The following FAM117A variants were observed in gnomAD, a reference collection of about 807,000 sequenced individuals.
FAM117A encodes the protein family with sequence similarity 117 member A, also known as protein FAM117A.
In FAM117A, 21 loss-of-function variants were observed where a neutral mutation model predicts 44.1. That is an observed-to-expected ratio of 0.48 (90% confidence interval 0.34 to 0.69). The LOEUF is 0.69. Among genes scored for constraint, FAM117A ranks in the 30% least tolerant of loss-of-function variants. The pLI, the probability that FAM117A is intolerant of heterozygous loss-of-function variation, is 0.01. For synonymous variants in FAM117A, 220 were observed against 238.3 expected (o/e 0.92, Z 0.71); for missense variants, 498 against 589.9 (o/e 0.84, Z 1.61).
chr17:49,717,865 T>C (rs2073512670), intron 5 of FAM117A, 151 bp from the exon 6 acceptor site: 1 of 625,514 alleles, frequency 1.6e-6, no homozygotes, highest in Non-Finnish European at 2.7e-6. Flanking sequence ...TTTATTTCCC[T>C]GGCCACCCTT....
intron 1 of FAM117A, among the ~76,000 whole-genome samples, chr17:49,753,532 A>G (rs2073685345): frequency 6.6e-6 from 1 of 152,148 alleles, no homozygotes; most frequent in Non-Finnish European, 1.5e-5. Context: ...AAAACTAATG[A>G]AGGCCAGGCA....
At chr17:49,781,732 T>G (rs1276726342) in intron 1 of FAM117A, among the ~76,000 whole-genome samples, 1 of 152,088 alleles carries the variant, frequency 6.6e-6, no homozygotes, top group East Asian at 1.9e-4. Flanking sequence ...ATCCTAGCAT[T>G]TTGGGAGGCT....
rs2143789173 is a variant in FAM117A at position 49,764,125 on chromosome 17, C to T, written c.-38G>A. 2 of 1,104,672 alleles carry T rather than the reference C, an allele frequency of 1.8e-6. No individual in the cohort carries two copies. Among genetic ancestry groups the T allele is most frequent in the Non-Finnish European group, 2.3e-6 (2 of 853,896 alleles). The allele number at this position is 1,104,672 out of a possible 1,614,324, so 68.4% of individuals were successfully genotyped here. ...TGCCTGCCTCAGCCCCACTGCGAGA[C>T]TCACACAGCCCCCCAACCCCCGAGG... On this transcript the variant is annotated 5_prime_UTR_variant, in exon 1 of 8. Coordinates refer to ENST00000240364, the MANE Select transcript of FAM117A (RefSeq NM_030802.4).
At chr17:49,743,379 T>C (rs1567832229) in intron 1 of FAM117A, among the ~76,000 whole-genome samples, 1 of 151,896 alleles carries the variant, frequency 6.6e-6, no homozygotes, top group African/African-American at 2.4e-5. Flanking sequence ...GAGAATCACT[T>C]GAGTCCAGGA....
intron 1 of FAM117A, among the ~76,000 whole-genome samples, chr17:49,754,308 C>CT (rs749158188): frequency 2.1e-3 from 300 of 144,470 alleles, no homozygotes; most frequent in African/African-American, 4.3e-3. Context: ...ACAGCAAACT[C>CT]TTTTTTTTTT....
At chr17:49,716,046 A>G in intron 7 of FAM117A, 119 bp downstream of exon 7, 1 of 1,110,462 alleles carries the variant, frequency 9.0e-7, no homozygotes, top group Non-Finnish European at 1.3e-6. Flanking sequence ...GAAAGCTGGC[A>G]ATACTTATCA....
In FAM117A at chr17:49,763,988, C is replaced by A. The variant is rs2073734381; in HGVS notation, c.100G>T (p.Ala34Ser). The change falls in exon 1 of 8, where the codon GCC (alanine) becomes TCC (serine). Residue 34 changes from alanine (A) to serine (S), a missense_variant. By Grantham distance (99) the Ala-to-Ser change is moderately conservative. Around this residue, in one of 3 missense-constraint regions of FAM117A, gnomAD observed 270 missense variants for 277.4 expected, o/e 0.97. Coordinates refer to ENST00000240364, the MANE Select transcript of FAM117A (RefSeq NM_030802.4). ...LRRGCSPPAP[A>S]GSPRAGLQPL... is the part of the protein sequence containing the mutation. ...TGCAGCCCAGCCCGGGGGGAGCCGG[C>A]GGGGGCTGGGGGAGAGCAGCCCCGC... is the stretch of plus-strand genomic sequence containing the variant. 4 of 1,216,480 alleles carry A rather than the reference C, an allele frequency of 3.3e-6. No individual in the cohort carries two copies. The highest frequency in any genetic ancestry group is 4.1e-6 in the Non-Finnish European group (4 of 977,414). The allele number at this position is 1,216,480 out of a possible 1,614,324, so 75.4% of individuals were successfully genotyped here.
chr17:49,768,367 C>A (rs1047326852), upstream of FAM117A, among the ~76,000 whole-genome samples: 2 of 152,168 alleles, frequency 1.3e-5, no homozygotes, highest in Non-Finnish European at 2.9e-5. Flanking sequence ...TTTCAAATCA[C>A]CATTTTTACC....
chr17:49,731,926 C>G (rs1021995242), intron 2 of FAM117A, among the ~76,000 whole-genome samples: 2 of 152,140 alleles, frequency 1.3e-5, no homozygotes, highest in African/African-American at 4.8e-5. Context: ...GCTGGGACTG[C>G]AGGCACCCAC....
intron 1 of FAM117A, among the ~76,000 whole-genome samples, chr17:49,762,610 AAGG>A (rs2073726439): frequency 6.6e-6 from 1 of 152,216 alleles, no homozygotes; most frequent in African/African-American, 2.4e-5. Context: ...CAGAAGCAGG[AAGG>A]AGATGTGCAG....
chr17:49,742,012 A>C (rs1360788931), intron 1 of FAM117A, among the ~76,000 whole-genome samples: 1 of 152,208 alleles, frequency 6.6e-6, no homozygotes, highest in African/African-American at 2.4e-5. Context: ...ACTTCTTTAA[A>C]CAACACTTCT....
At position 49,750,217 on chromosome 17, in the gene FAM117A, T is replaced by A. The variant is rs1014991570; in HGVS notation, c.196+13675A>T. 1.3e-5 allele frequency among the ~76,000 whole-genome samples: 2 copies of A among 148,876 alleles called. 1 individual carries two copies. Among genetic ancestry groups the A allele is most frequent in the Non-Finnish European group, 3.0e-5 (2 of 66,102 alleles). The stretch of plus-strand genomic sequence containing the variant: ...CTGTTTGCTTTCTTCACATGCACTT[T>A]TTCTTACACATGCTCAAACACGCCC... On this transcript the variant is annotated intron_variant, in intron 1 of 7. Transcript: ENST00000240364.
chr17:49,730,375 G>A (rs915507855), intron 2 of FAM117A, among the ~76,000 whole-genome samples: 11 of 152,212 alleles, frequency 7.2e-5, no homozygotes, highest in African/African-American at 2.4e-4. Context: ...GCTGGAGCCT[G>A]AGCAAAAACA....
At position 49,722,500 on chromosome 17, in the gene FAM117A, T is replaced by C. The variant is rs1324458873; in HGVS notation, c.461A>G (p.Glu154Gly). Residue 154 changes from glutamate (E) to glycine (G), a missense_variant and splice_region_variant, in exon 3 of 8, where the codon GAG becomes GGG. By Grantham distance (98) the Glu-to-Gly change is moderately conservative. This residue lies in a region of FAM117A where 270 missense variants were observed against 277.4 expected (regional missense o/e 0.97). Transcript: ENST00000240364. ...ASWGSTDHRK[E>G]ISKLKQQLQR... ...CAGGGAGTCAAAGTGGGTAGCTACC[T>C]CTTTTCGGTGGTCTGTGCTGCCCCA... is the stretch of plus-strand genomic sequence containing the variant. The C allele has an allele frequency of 6.2e-7, 1 of 1,613,374 alleles. No individual in the cohort carries two copies. The highest frequency in any genetic ancestry group is 8.5e-7 in the Non-Finnish European group (1 of 1,179,676).
chr17:49,725,135 C>A (rs2073554019), intron 2 of FAM117A, among the ~76,000 whole-genome samples: 1 of 152,172 alleles, frequency 6.6e-6, no homozygotes, highest in Non-Finnish European at 1.5e-5. Flanking sequence ...TTACCTTACC[C>A]CCAACCTCCA....
chr17:49,711,320 C>T lies in FAM117A; in HGVS notation c.1297G>A (p.Glu433Lys), dbSNP rs763373646. The T allele has an allele frequency of 1.7e-5, 28 of 1,609,704 alleles. No individual in the cohort carries two copies. Among genetic ancestry groups the T allele is most frequent in the Non-Finnish European group, 2.3e-5 (27 of 1,177,354 alleles). ...EASKASPLPFEPWQRTPPSEE... is the reference protein window; with the variant it reads ...EASKASPLPFKPWQRTPPSEE... ...GATGGTGGGGTGCGCTGCCATGGCT[C>T]GAATGGCAGTGGGGAGGCCTTGGAG... Residue 433 changes from glutamate (E) to lysine (K), a missense_variant, in exon 8 of 8, where the codon GAG becomes AAG. Coordinates refer to ENST00000240364, the MANE Select transcript of FAM117A (RefSeq NM_030802.4).
intron 1 of FAM117A, among the ~76,000 whole-genome samples, chr17:49,774,895 A>T (rs1315476554): frequency 6.6e-6 from 1 of 152,178 alleles, no homozygotes; most frequent in Non-Finnish European, 1.5e-5. Context: ...AAAAGAGTTT[A>T]AAAAATTATA....
At position 49,720,407 on chromosome 17, in the gene FAM117A, C is replaced by T. The variant is rs1466438503; in HGVS notation, c.492G>A (p.Arg164=). 1.2e-6 allele frequency: 2 copies of T among 1,613,684 alleles called. No individual in the cohort carries two copies. Among genetic ancestry groups the T allele is most frequent in the Non-Finnish European group, 8.5e-7 (1 of 1,180,028 alleles). The change falls in exon 4 of 8, where the codon AGG becomes AGA. Residue 164 remains arginine (R), a synonymous_variant. Transcript: ENST00000240364. ...EISKLKQQLQ[R]TKLSRSGKEK... ...CTTTCCCACTGCGGCTCAGCTTCGT[C>T]CTCTGCAGTTGTTGCTTCAACTTGG...
chr17:49,742,733 A>T (rs932509254), intron 1 of FAM117A, among the ~76,000 whole-genome samples: 3 of 152,228 alleles, frequency 2.0e-5, no homozygotes, highest in African/African-American at 7.2e-5. Flanking sequence ...CTCAAAGGAC[A>T]GGCATAAACC....
Sources: gnomAD v4.1 joint callset for allele counts (sites outside exome capture counted in the v4.1 genomes callset) on GRCh38, gnomAD v4.1.1 for gene constraint, gnomAD v4.1.1 regional missense constraint, MANE v1.5 for transcripts, NCBI Gene and HGNC (gene_info 2026-07-23, HGNC 2026-07-21) for gene names.